ERC2: variants seen among roughly 807,000 people sequenced by gnomAD.
ERC2 encodes ELKS/RAB6-interacting/CAST family member 2, also known as ERC protein 2.
In ERC2, 42 loss-of-function variants were observed where a neutral mutation model predicts 114.8. The observed-to-expected ratio is 0.37, with a 90% CI of 0.29 to 0.47. ERC2 has a LOEUF of 0.47. Ranked by LOEUF, ERC2 falls within the 20% of genes least tolerant of loss-of-function variation. The pLI is 0.99. For missense variants in ERC2, 939 were observed against 1,150.7 expected, an observed-to-expected ratio of 0.82 and a Z score of 2.66; for synonymous variants, 454 against 425.5, an observed-to-expected ratio of 1.07 and a Z score of -0.82.
intron 6 of ERC2, among the ~76,000 whole-genome samples, chr3:56,133,946 T>C (rs926906168): frequency 1.3e-5 from 2 of 152,172 alleles, no homozygotes; most frequent in Non-Finnish European, 2.9e-5. Context: ...AGCTAAAGCA[T>C]TTCCAAGTCT....
At position 56,065,697 on chromosome 3, in the gene ERC2, A is replaced by AC. The variant is rs772919549; in HGVS notation, c.1641+15119dup. Among the ~76,000 whole-genome samples, 9 of 150,854 alleles carry AC rather than the reference A, an allele frequency of 6.0e-5. No homozygotes were observed. The East Asian group carries it at 1.4e-3, about 23-fold the overall frequency. On this transcript the variant is annotated intron_variant, in intron 7 of 17. Coordinates refer to ENST00000288221, the MANE Select transcript of ERC2 (RefSeq NM_015576.3). ...TCCTGATGCTCTCCCTTCCCCTGTGACCCCCCTGCCCCTACTGACTGGCCC... is the reference window on the plus strand; with the variant it reads ...TCCTGATGCTCTCCCTTCCCCTGTGACCCCCCCTGCCCCTACTGACTGGCCC...
At chr3:55,934,917 T>C (rs762810123) in intron 13 of ERC2, among the ~76,000 whole-genome samples, 3 of 152,098 alleles carry the variant, frequency 2.0e-5, no homozygotes, top group Non-Finnish European at 4.4e-5. Context: ...AATCATGCGG[T>C]CTGGGGGAAA....
intron 14 of ERC2, among the ~76,000 whole-genome samples, chr3:55,864,267 GTA>G (rs1180139445): frequency 1.3e-5 from 2 of 148,446 alleles, no homozygotes; most frequent in Admixed American, 6.8e-5. Flanking sequence ...ATGTGTGTGT[GTA>G]TGTGTGTGTT....
intron 7 of ERC2, among the ~76,000 whole-genome samples, chr3:56,059,929 C>T (rs547242456): frequency 6.6e-6 from 1 of 152,300 alleles, no homozygotes; most frequent in East Asian, 1.9e-4. Context: ...AAAAAGCCAG[C>T]TTTGTCTGCA....
intron 6 of ERC2, among the ~76,000 whole-genome samples, chr3:56,132,850 T>C (rs1272424004): frequency 6.6e-6 from 1 of 152,194 alleles, no homozygotes; most frequent in Non-Finnish European, 1.5e-5. Flanking sequence ...TTTAAACATA[T>C]TTAAGGAAAT....
At chr3:55,533,934 C>T (rs773065078) in intron 17 of ERC2, among the ~76,000 whole-genome samples, 2 of 152,146 alleles carry the variant, frequency 1.3e-5, no homozygotes, top group Non-Finnish European at 2.9e-5. Flanking sequence ...TGAGTGGTAG[C>T]GTGGCGAGCT....
chr3:55,948,303 C>T (rs2067261028), intron 13 of ERC2, among the ~76,000 whole-genome samples: 1 of 152,162 alleles, frequency 6.6e-6, no homozygotes, highest in South Asian at 2.1e-4. Context: ...TAGAATAAAT[C>T]AAAATTAACA....
intron 6 of ERC2, among the ~76,000 whole-genome samples, chr3:56,107,028 T>A (rs2078701207): frequency 6.6e-6 from 1 of 152,122 alleles, no homozygotes; most frequent in South Asian, 2.1e-4. Context: ...CGGAAACATG[T>A]TTTATTCTAT....
intron 13 of ERC2, among the ~76,000 whole-genome samples, chr3:55,940,617 G>C (rs900899652): frequency 1.3e-5 from 2 of 152,146 alleles, no homozygotes; most frequent in African/African-American, 4.8e-5. Flanking sequence ...CAGAAGAAAA[G>C]ATCTTGAGAT....
chr3:56,234,873 T>A (rs2050842514), intron 3 of ERC2, among the ~76,000 whole-genome samples: 1 of 152,144 alleles, frequency 6.6e-6, no homozygotes, highest in African/African-American at 2.4e-5. Context: ...CACCTCCCAT[T>A]AGACTACACC....
intron 6 of ERC2, among the ~76,000 whole-genome samples, chr3:56,117,856 A>G (rs937601254): frequency 1.9e-4 from 29 of 152,338 alleles, no homozygotes; most frequent in African/African-American, 6.3e-4. Context: ...GGCTGGAGGA[A>G]GGAAAAGGCA....
chr3:56,172,955 T>G (rs1455598250), intron 4 of ERC2, among the ~76,000 whole-genome samples: 4 of 152,188 alleles, frequency 2.6e-5, no homozygotes, highest in African/African-American at 4.8e-5. Flanking sequence ...ACTTCCAAAC[T>G]TGGTTAGGAG....
At chr3:55,540,567 AG>A (rs1169788168) in intron 17 of ERC2, among the ~76,000 whole-genome samples, 2 of 152,210 alleles carry the variant, frequency 1.3e-5, no homozygotes, top group Non-Finnish European at 2.9e-5. Context: ...CTCTGAGCTC[AG>A]GATGGTGCCT....
intron 15 of ERC2, among the ~76,000 whole-genome samples, chr3:55,716,039 G>C (rs1217286483): frequency 2.0e-5 from 3 of 152,180 alleles, no homozygotes; most frequent in African/African-American, 7.2e-5. Flanking sequence ...TGAGCAGAAT[G>C]ACCCAGCAAT....
chr3:56,443,553 C>T (rs533976725), intron 1 of ERC2, among the ~76,000 whole-genome samples: 27 of 152,262 alleles, frequency 1.8e-4, no homozygotes, highest in Non-Finnish European at 3.7e-4. Flanking sequence ...CCCTAAGCCT[C>T]ATAATTCCTA....
intron 14 of ERC2, among the ~76,000 whole-genome samples, chr3:55,863,866 T>A (rs2062134046): frequency 6.6e-6 from 1 of 151,784 alleles, no homozygotes; most frequent in Non-Finnish European, 1.5e-5. Flanking sequence ...ATAGCACATC[T>A]CAATTGTACT....
chr3:56,125,112 G>C (rs2079798039), intron 6 of ERC2, among the ~76,000 whole-genome samples: 1 of 152,066 alleles, frequency 6.6e-6, no homozygotes, highest in Non-Finnish European at 1.5e-5. Context: ...GTTTTAACAA[G>C]TCCATATTGA....
chr3:55,863,588 G>A (rs574855590), intron 14 of ERC2, among the ~76,000 whole-genome samples: 2 of 152,180 alleles, frequency 1.3e-5, no homozygotes, highest in South Asian at 2.1e-4. Context: ...ACTTTGAATG[G>A]TTTTGCTCCA....
At chr3:55,603,912 T>A (rs1319026432) in intron 17 of ERC2, among the ~76,000 whole-genome samples, 1 of 152,040 alleles carries the variant, frequency 6.6e-6, no homozygotes, top group African/African-American at 2.4e-5. Flanking sequence ...AAAACTTGAA[T>A]AAAGACAGTA....
Sources: gnomAD v4.1 joint callset for allele counts (sites outside exome capture counted in the v4.1 genomes callset) on GRCh38, gnomAD v4.1.1 for gene constraint, MANE v1.5 for transcripts, NCBI Gene and HGNC (gene_info 2026-07-23, HGNC 2026-07-21) for gene names.